Variants in ESRP1 observed in about 807,000 individuals in gnomAD.
The protein encoded by ESRP1 is epithelial splicing regulatory protein 1.
ESRP1 carries 33 observed loss-of-function variants against 81.7 expected under a neutral mutation model. The observed-to-expected ratio is 0.40, with a 90% CI of 0.31 to 0.54. The LOEUF (loss-of-function observed/expected upper bound fraction) is 0.54, where lower values mean the gene tolerates loss of function less well. Ranked by LOEUF, ESRP1 falls within the 20% of genes least tolerant of loss-of-function variation. ESRP1 has a pLI of 0.41. For synonymous variants in ESRP1, 320 were observed against 303.3 expected, an observed-to-expected ratio of 1.06 and a Z score of -0.57; for missense variants, 672 against 833.1, an observed-to-expected ratio of 0.81 and a Z score of 2.38.
intron 13 of ESRP1, among the ~76,000 whole-genome samples, chr8:94,682,904 T>TTATTTATATATA (rs1554579845): frequency 6.7e-5 from 2 of 29,848 alleles, no homozygotes; most frequent in Admixed American, 1.0e-3. Flanking sequence ...ATTCATTATT[T>TTATTTATATATA]TATATATATA....
At chr8:94,655,085 G>GTGTTT (rs1160991714) in intron 4 of ESRP1, among the ~76,000 whole-genome samples, 7 of 147,906 alleles carry the variant, frequency 4.7e-5, no homozygotes, top group African/African-American at 1.5e-4. Flanking sequence ...GTGTGTGTGT[G>GTGTTT]TGTTTTGTTT....
Position 94,698,321 on chromosome 8 carries a change from A to G in ESRP1, c.*35+1360A>G, listed in dbSNP as rs574922770. Among the ~76,000 whole-genome samples the G allele has an allele frequency of 1.4e-3, 210 of 152,272 alleles. 2 individuals carry two copies. The highest frequency in any genetic ancestry group is 0.012 in the South Asian group (57 of 4,824). ...CTACTTTGTCTCTGTGAATGTGACT[A>G]TTCTAGGTAGTCCTTCCTAAGCAGA... On this transcript the variant is annotated intron_variant, in intron 15 of 15. Transcript: ENST00000433389.
chr8:94,641,868 G>A, intron 1 of ESRP1, 88 bp from the exon 2 acceptor site: 3 of 1,552,862 alleles, frequency 1.9e-6, no homozygotes, highest in Non-Finnish European at 2.6e-6. Flanking sequence ...AGAGGCGCGG[G>A]CCGCCCCAGC....
At position 94,651,531 on chromosome 8, in the gene ESRP1, T is replaced by C. The variant is rs75344672; in HGVS notation, c.490+5249T>C. ...TGTCTACCGAGCCAAACTTTAATCTTGAGTATTCCAAAATGAAAGCTTTGT... is the reference window on the plus strand; with the variant it reads ...TGTCTACCGAGCCAAACTTTAATCTCGAGTATTCCAAAATGAAAGCTTTGT... On this transcript the variant is annotated intron_variant, in intron 4 of 15. Coordinates refer to ENST00000433389, the MANE Select transcript of ESRP1 (RefSeq NM_017697.4). 2.8e-3 allele frequency among the ~76,000 whole-genome samples: 421 copies of C among 152,324 alleles called. 2 individuals are homozygous for C. The highest frequency in any genetic ancestry group is 9.8e-3 in the African/African-American group (408 of 41,564).
intron 4 of ESRP1, among the ~76,000 whole-genome samples, chr8:94,651,230 T>C (rs947203157): frequency 2.1e-4 from 31 of 148,734 alleles, no homozygotes; most frequent in Admixed American, 5.5e-4. Context: ...AAGAAAATTA[T>C]AGTGTGGTCT....
At chr8:94,645,493 C>T (rs1051636092) in intron 3 of ESRP1, among the ~76,000 whole-genome samples, 11 of 151,696 alleles carry the variant, frequency 7.3e-5, no homozygotes, top group African/African-American at 2.7e-4. Context: ...GCTTCGTAGC[C>T]ACGGTAGTGG....
chr8:94,682,932 ATTTTTTTT>A (rs869078492), intron 13 of ESRP1, among the ~76,000 whole-genome samples: 7 of 18,088 alleles, frequency 3.9e-4, no homozygotes, highest in Admixed American at 2.3e-3. Flanking sequence ...ATATATATAT[ATTTTTTTT>A]TTTTTTTTTT....
chr8:94,681,032 A>C (rs1303344068), intron 13 of ESRP1, among the ~76,000 whole-genome samples: 1 of 151,716 alleles, frequency 6.6e-6, no homozygotes, highest in Non-Finnish European at 1.5e-5. Flanking sequence ...GTGAGACTCT[A>C]TCTCTACTAA....
chr8:94,689,016 C>T (rs897445376), intron 13 of ESRP1, among the ~76,000 whole-genome samples: 7 of 151,904 alleles, frequency 4.6e-5, no homozygotes, highest in Non-Finnish European at 1.0e-4. Flanking sequence ...TTTGAGAGGC[C>T]GAGGTGGGCA....
intron 3 of ESRP1, among the ~76,000 whole-genome samples, chr8:94,645,360 A>G (rs534057725): frequency 1.3e-5 from 2 of 152,280 alleles, no homozygotes; most frequent in East Asian, 3.9e-4. Flanking sequence ...AATTTTAAGA[A>G]AAATCTGAAT....
At chr8:94,688,784 A>G (rs976247415) in intron 13 of ESRP1, among the ~76,000 whole-genome samples, 1 of 152,088 alleles carries the variant, frequency 6.6e-6, no homozygotes, top group African/African-American at 2.4e-5. Flanking sequence ...TATGTTTTGA[A>G]TTTGTGAAGA....
chr8:94,679,514 A>T (rs115586583), intron 13 of ESRP1, among the ~76,000 whole-genome samples: 2,245 of 152,312 alleles, frequency 0.015, 68 homozygotes, highest in African/African-American at 0.051. Flanking sequence ...ATCCACTTCC[A>T]TCACTACTTG....
intron 12 of ESRP1, 31 bp from the exon 13 acceptor site, chr8:94,678,172 T>C: frequency 1.2e-6 from 2 of 1,609,680 alleles, no homozygotes; most frequent in Non-Finnish European, 1.7e-6. Context: ...GTTACAAATA[T>C]GTCTCAAAGA....
chr8:94,645,919 G>A (rs1817824252), intron 3 of ESRP1, among the ~76,000 whole-genome samples: 1 of 152,094 alleles, frequency 6.6e-6, no homozygotes, highest in Admixed American at 6.5e-5. Flanking sequence ...TGTTTTGAAT[G>A]GAATGCATAC....
chr8:94,684,174 A>T (rs1809044725), intron 13 of ESRP1, among the ~76,000 whole-genome samples: 1 of 152,170 alleles, frequency 6.6e-6, no homozygotes. Context: ...TAGTTACCAA[A>T]CTTTTTTGAC....
At chr8:94,665,516 G>A (rs1471014543) in intron 9 of ESRP1, among the ~76,000 whole-genome samples, 2 of 152,190 alleles carry the variant, frequency 1.3e-5, no homozygotes, top group Non-Finnish European at 2.9e-5. Flanking sequence ...TTTGGAGACA[G>A]AGTTTCGCTC....
intron 4 of ESRP1, among the ~76,000 whole-genome samples, chr8:94,652,701 T>G (rs945641375): frequency 6.6e-6 from 1 of 152,194 alleles, no homozygotes; most frequent in Non-Finnish European, 1.5e-5. Context: ...CTTCTAATAT[T>G]GTGTTTACTT....
At chr8:94,679,732 A>C (rs1808797621) in intron 13 of ESRP1, among the ~76,000 whole-genome samples, 2 of 152,136 alleles carry the variant, frequency 1.3e-5, no homozygotes, top group Non-Finnish European at 2.9e-5. Flanking sequence ...TGTAGTGAGT[A>C]AAAGTAAAGA....
chr8:94,676,554 C>T (rs1364663610), intron 12 of ESRP1, among the ~76,000 whole-genome samples: 15 of 151,906 alleles, frequency 9.9e-5, no homozygotes, highest in Admixed American at 5.2e-4. Context: ...GGCTGGCATG[C>T]AGTGGCTCAG....
Sources: allele counts gnomAD v4.1 joint callset (sites outside exome capture counted in the v4.1 genomes callset), GRCh38; gene constraint gnomAD v4.1.1; transcripts MANE v1.5; gene names NCBI Gene and HGNC (gene_info 2026-07-23, HGNC 2026-07-21).